The following RGL1 variants were observed in gnomAD, a reference collection of about 807,000 sequenced individuals.
RGL1 encodes ral guanine nucleotide dissociation stimulator-like 1.
A neutral mutation model predicts 95.2 loss-of-function variants in RGL1; 24 were observed. That is an observed-to-expected ratio of 0.25 (90% CI 0.18 to 0.35). RGL1 has a LOEUF of 0.35. RGL1 is among the 10% of genes least tolerant of loss of function. The probability of loss-of-function intolerance (pLI) is 1.00; values close to 1 mark genes in which losing one functional copy is unlikely to be tolerated. For synonymous variants in RGL1, 329 were observed against 344.9 expected (o/e 0.95, Z 0.51); for missense variants, 715 against 936.3 (o/e 0.76, Z 3.08).
intron 1 of RGL1, among the ~76,000 whole-genome samples, chr1:183,721,195 C>T (rs1431892682): frequency 6.6e-6 from 1 of 152,216 alleles, no homozygotes; most frequent in Non-Finnish European, 1.5e-5. Flanking sequence ...CTCACCTAAT[C>T]ATATTCCTCT....
intron 2 of RGL1, among the ~76,000 whole-genome samples, chr1:183,846,571 A>G (rs1664455434): frequency 6.6e-6 from 1 of 152,074 alleles, no homozygotes; most frequent in South Asian, 2.1e-4. Context: ...AACTCCAACA[A>G]CAACAACAAC....
intron 14 of RGL1, among the ~76,000 whole-genome samples, chr1:183,908,744 T>C (rs1668483313): frequency 6.6e-6 from 1 of 152,200 alleles, no homozygotes; most frequent in East Asian, 1.9e-4. Flanking sequence ...GCAGAAGGAA[T>C]TGGGAGCTTC....
intron 2 of RGL1, among the ~76,000 whole-genome samples, chr1:183,822,629 C>T (rs564289089): frequency 1.2e-4 from 18 of 152,268 alleles, no homozygotes; most frequent in South Asian, 2.1e-4. Context: ...ACTCCAGTGA[C>T]GGAATGACAT....
At chr1:183,799,525 C>A (rs1449247747) in intron 2 of RGL1, among the ~76,000 whole-genome samples, 5 of 152,106 alleles carry the variant, frequency 3.3e-5, no homozygotes, top group Non-Finnish European at 7.4e-5. Context: ...ATATCTCATT[C>A]TGGTTTTGTT....
chr1:183,636,117 G>T (rs992828749), exon 1 of RGL1: 72 of 399,346 alleles, frequency 1.8e-4, no homozygotes, highest in Admixed American at 1.5e-3. Context: ...TCAGATTGGC[G>T]GGGATGGGCA....
intron 10 of RGL1, among the ~76,000 whole-genome samples, chr1:183,899,268 T>TA (rs1262597532): frequency 6.6e-6 from 1 of 152,240 alleles, no homozygotes; most frequent in Non-Finnish European, 1.5e-5. Flanking sequence ...TGTTTGGATT[T>TA]CACCAGTTTT....
chr1:183,899,755 G>T (rs111269247), intron 10 of RGL1, among the ~76,000 whole-genome samples: 1 of 152,286 alleles, frequency 6.6e-6, no homozygotes, highest in Non-Finnish European at 1.5e-5. Context: ...TGCTTTTGTG[G>T]TACATACTTC....
chr1:183,904,569 T>G (rs1419431700), intron 12 of RGL1, among the ~76,000 whole-genome samples: 1 of 152,054 alleles, frequency 6.6e-6, no homozygotes, highest in Non-Finnish European at 1.5e-5. Flanking sequence ...TAGTGACTAG[T>G]TTGGGTTGCT....
chr1:183,705,740 G>A (rs1285551577), intron 1 of RGL1, among the ~76,000 whole-genome samples: 3 of 152,174 alleles, frequency 2.0e-5, no homozygotes, highest in Non-Finnish European at 2.9e-5. Context: ...ACATACTAGG[G>A]GTATGGCTTG....
chr1:183,719,534 T>C (rs1655859013), intron 1 of RGL1, among the ~76,000 whole-genome samples: 1 of 152,176 alleles, frequency 6.6e-6, no homozygotes, highest in Non-Finnish European at 1.5e-5. Context: ...TTAGGGCCTT[T>C]GTGTGACACA....
intron 2 of RGL1, among the ~76,000 whole-genome samples, chr1:183,820,723 A>C (rs983868416): frequency 8.5e-5 from 13 of 152,328 alleles, no homozygotes; most frequent in South Asian, 2.1e-4. Context: ...TCCGCACCAG[A>C]GTTTGAAAAA....
intron 4 of RGL1, 141 bp downstream of exon 4, chr1:183,866,214 T>C: frequency 1.6e-6 from 1 of 645,106 alleles, no homozygotes; most frequent in Non-Finnish European, 2.7e-6. Flanking sequence ...TTTGATTACC[T>C]AACAATATTC....
chr1:183,716,625 G>A (rs1372389179), intron 1 of RGL1, among the ~76,000 whole-genome samples: 1 of 152,198 alleles, frequency 6.6e-6, no homozygotes, highest in Non-Finnish European at 1.5e-5. Context: ...ACTGTTTGGG[G>A]GCGGCTGAAA....
intron 3 of RGL1, among the ~76,000 whole-genome samples, chr1:183,862,237 C>T (rs1665555517): frequency 1.3e-5 from 2 of 152,250 alleles, no homozygotes; most frequent in Admixed American, 1.3e-4. Context: ...CAGCTAGTGC[C>T]TGTGGTCCCA....
At chr1:183,895,360 G>T (rs975745206) in intron 9 of RGL1, among the ~76,000 whole-genome samples, 2 of 152,096 alleles carry the variant, frequency 1.3e-5, no homozygotes, top group African/African-American at 4.8e-5. Flanking sequence ...TAAAGAAAAG[G>T]TGAGACTTAA....
intron 1 of RGL1, among the ~76,000 whole-genome samples, chr1:183,723,631 A>G (rs7532280): frequency 0.47 from 71,132 of 152,076 alleles, 17,498 homozygotes; most frequent in East Asian, 0.8. Flanking sequence ...CCTAGCCAGC[A>G]GGGCTTTATC....
At chr1:183,654,483 A>C (rs1017851607) in intron 1 of RGL1, among the ~76,000 whole-genome samples, 3 of 152,184 alleles carry the variant, frequency 2.0e-5, no homozygotes, top group Non-Finnish European at 4.4e-5. Context: ...ACTTATCAAA[A>C]GCTGGGTGAA....
At chr1:183,671,524 A>G (rs548657033) in intron 1 of RGL1, among the ~76,000 whole-genome samples, 3 of 152,206 alleles carry the variant, frequency 2.0e-5, no homozygotes, top group East Asian at 1.9e-4. Flanking sequence ...AGCATTTACT[A>G]TATCAATTTA....
intron 1 of RGL1, among the ~76,000 whole-genome samples, chr1:183,726,676 T>C (rs185399851): frequency 6.6e-6 from 1 of 152,290 alleles, no homozygotes; most frequent in African/African-American, 2.4e-5. Flanking sequence ...TGGTCAATTC[T>C]ATTACCGGGT....
Sources: gnomAD v4.1 joint callset for allele counts (sites outside exome capture counted in the v4.1 genomes callset) on GRCh38, gnomAD v4.1.1 for gene constraint, MANE v1.5 for transcripts, NCBI Gene and HGNC (gene_info 2026-07-23, HGNC 2026-07-21) for gene names.